ATXN7L1: variants seen among roughly 807,000 people sequenced by gnomAD.
ATXN7L1 encodes ataxin-7-like protein 1.
A neutral mutation model predicts 70.8 loss-of-function variants in ATXN7L1; 15 were observed. That is an observed-to-expected ratio of 0.21 (90% CI 0.14 to 0.33). The LOEUF (loss-of-function observed/expected upper bound fraction) is 0.33. Ranked by LOEUF, ATXN7L1 falls within the 10% of genes least tolerant of loss-of-function variation. The pLI, the probability that ATXN7L1 is intolerant of heterozygous loss-of-function variation, is 1.00. For missense variants in ATXN7L1, 975 were observed against 1,097.1 expected, an observed-to-expected ratio of 0.89 and a Z score of 1.57; for synonymous variants, 440 against 445.1, an observed-to-expected ratio of 0.99 and a Z score of 0.14.
Position 105,607,496 on chromosome 7 carries a change from C to T in ATXN7L1, c.*356G>A, listed in dbSNP as rs1792808861. On this transcript the variant is annotated 3_prime_UTR_variant, in exon 12 of 12. Transcript: ENST00000419735. The stretch of plus-strand genomic sequence containing the variant: ...AGCTTCAGAGCATGCCAACCTGGAA[C>T]CAACATTCTGCAATGTCTGCTCTCA... The T allele has an allele frequency of 3.8e-6, 1 of 265,102 alleles. No homozygotes were observed. The highest frequency in any genetic ancestry group is 7.8e-5 in the East Asian group (1 of 12,892). The allele number at this position is 265,102 out of a possible 1,614,324, so 16.4% of individuals were successfully genotyped here.
intron 2 of ATXN7L1, among the ~76,000 whole-genome samples, chr7:105,790,006 G>A (rs1030202926): frequency 1.3e-5 from 2 of 152,132 alleles, no homozygotes; most frequent in Admixed American, 6.5e-5. Context: ...TCTACAGTGT[G>A]GATAAACCTA....
intron 3 of ATXN7L1, among the ~76,000 whole-genome samples, chr7:105,739,387 G>T (rs1347525554): frequency 1.3e-5 from 2 of 152,220 alleles, no homozygotes; most frequent in Non-Finnish European, 2.9e-5. Flanking sequence ...CCTAAAGTTT[G>T]AGAAGCACGC....
chr7:105,822,341 C>T (rs1355349676), intron 2 of ATXN7L1, among the ~76,000 whole-genome samples: 1 of 152,192 alleles, frequency 6.6e-6, no homozygotes, highest in Non-Finnish European at 1.5e-5. Flanking sequence ...GAAAGGTGCT[C>T]TCCTGTGAAT....
At chr7:105,663,344 C>T (rs1307649157) in intron 4 of ATXN7L1, among the ~76,000 whole-genome samples, 10 of 152,210 alleles carry the variant, frequency 6.6e-5, no homozygotes, top group Admixed American at 6.5e-4. Context: ...CTACACCTTT[C>T]CACTCCATCA....
At chr7:105,624,634 A>AG (rs1386522006) in intron 7 of ATXN7L1, among the ~76,000 whole-genome samples, 6 of 129,798 alleles carry the variant, frequency 4.6e-5, no homozygotes, top group African/African-American at 1.8e-4. Flanking sequence ...TGGGCGACAG[A>AG]GCAAGACTCT....
chr7:105,812,735 T>G (rs1209746041), intron 2 of ATXN7L1, among the ~76,000 whole-genome samples: 1 of 152,050 alleles, frequency 6.6e-6, no homozygotes, highest in Non-Finnish European at 1.5e-5. Flanking sequence ...GCATGGTGGC[T>G]CACGCCTGTA....
At position 105,671,023 on chromosome 7, in the gene ATXN7L1, C is replaced by T. The variant is rs1325646902; in HGVS notation, c.356-5735G>A. On this transcript the variant is annotated intron_variant, in intron 3 of 11. Coordinates refer to ENST00000419735, the MANE Select transcript of ATXN7L1 (RefSeq NM_020725.2). ...TCGGGAGGCTGAGGCAGGAGAATGG[C>T]GTGAACCCGGGAGGCAGAGCTTGCA... 3.4e-5 allele frequency among the ~76,000 whole-genome samples: 5 copies of T among 146,526 alleles called. No homozygotes were observed. The Middle Eastern group carries it at 0.011, about 316-fold the overall frequency.
In ATXN7L1 at chr7:105,759,394, T is replaced by C. The variant is rs143994630; in HGVS notation, c.355+29210A>G. ...TCAGGGCCCAGCAGGGAGGTGAGGCTTAAACCTCCTCGCTGGAGGAGGAGC... is the reference window on the plus strand; with the variant it reads ...TCAGGGCCCAGCAGGGAGGTGAGGCCTAAACCTCCTCGCTGGAGGAGGAGC... On this transcript the variant is annotated intron_variant, in intron 3 of 11. Transcript: ENST00000419735. 4.5e-3 allele frequency among the ~76,000 whole-genome samples: 678 copies of C among 151,556 alleles called. 5 individuals are homozygous for C. The highest frequency in any genetic ancestry group is 0.016 in the African/African-American group (643 of 41,272).
intron 3 of ATXN7L1, among the ~76,000 whole-genome samples, chr7:105,750,896 G>A (rs913795174): frequency 2.0e-5 from 3 of 152,142 alleles, no homozygotes; most frequent in Admixed American, 6.5e-5. Flanking sequence ...AGCCTTCCAC[G>A]ATCTGGTTCC....
intron 3 of ATXN7L1, among the ~76,000 whole-genome samples, chr7:105,749,758 G>T (rs1164900909): frequency 1.3e-5 from 2 of 151,864 alleles, no homozygotes; most frequent in African/African-American, 4.8e-5. Context: ...CACTTGTGGG[G>T]CTTCTGACTT....
At chr7:105,698,638 G>A (rs1294608272) in intron 3 of ATXN7L1, among the ~76,000 whole-genome samples, 5 of 152,098 alleles carry the variant, frequency 3.3e-5, no homozygotes, top group Non-Finnish European at 5.9e-5. Flanking sequence ...GATTAAAGGC[G>A]TGAGCCACCG....
intron 2 of ATXN7L1, among the ~76,000 whole-genome samples, chr7:105,792,600 G>A (rs546463718): frequency 2.0e-5 from 3 of 152,172 alleles, no homozygotes; most frequent in Non-Finnish European, 4.4e-5. Context: ...CAAGCAAAAC[G>A]TTCGGTGCAC....
intron 4 of ATXN7L1, among the ~76,000 whole-genome samples, chr7:105,650,227 G>A (rs765093071): frequency 2.0e-5 from 3 of 152,208 alleles, no homozygotes; most frequent in Non-Finnish European, 2.9e-5. Flanking sequence ...TCCTACTACC[G>A]TGGTATGACA....
At chr7:105,819,712 G>A (rs1032234475) in intron 2 of ATXN7L1, 8 of 892,844 alleles carry the variant, frequency 9.0e-6, no homozygotes, top group African/African-American at 3.3e-5. Context: ...TACCACTTCC[G>A]GGCCTCTAGC....
intron 3 of ATXN7L1, among the ~76,000 whole-genome samples, chr7:105,737,463 T>C (rs1797510394): frequency 6.6e-6 from 1 of 152,050 alleles, no homozygotes; most frequent in Admixed American, 6.6e-5. Flanking sequence ...TGTAGAGAAG[T>C]TAAACAATTT....
At chr7:105,873,023 G>A (rs145854782) in intron 2 of ATXN7L1, among the ~76,000 whole-genome samples, 1,783 of 152,050 alleles carry the variant, frequency 0.012, 33 homozygotes, top group African/African-American at 0.038. Context: ...GCTTGGTGGC[G>A]GGCGCCTGTA....
intron 3 of ATXN7L1, among the ~76,000 whole-genome samples, chr7:105,684,849 GC>G (rs1252572015): frequency 3.9e-5 from 6 of 152,184 alleles, no homozygotes; most frequent in Admixed American, 1.3e-4. Context: ...CGAACCATGT[GC>G]CATTCAGGGC....
At chr7:105,777,570 T>G (rs368239059) in intron 3 of ATXN7L1, among the ~76,000 whole-genome samples, 1 of 152,222 alleles carries the variant, frequency 6.6e-6, no homozygotes, top group Non-Finnish European at 1.5e-5. Context: ...ACTCTTCCCT[T>G]TCCAATCTAA....
At position 105,606,375 on chromosome 7, in the gene ATXN7L1, G is replaced by A. The variant is rs1039650046; in HGVS notation, c.*1477C>T. On this transcript the variant is annotated 3_prime_UTR_variant, in exon 12 of 12. Coordinates refer to ENST00000419735, the MANE Select transcript of ATXN7L1 (RefSeq NM_020725.2). ...AGTCTGATCTTTGGGTTGGGGGAAC[G>A]GGAAAGAAAAGGAAAACTTTGGGGT... The A allele has an allele frequency of 6.6e-6, 1 of 152,144 alleles. No homozygotes were observed. 9.4% of individuals were successfully genotyped at this position (152,144 alleles called of 1,614,324 possible).
Sources: gnomAD v4.1 joint callset for allele counts (sites outside exome capture counted in the v4.1 genomes callset) on GRCh38, gnomAD v4.1.1 for gene constraint, MANE v1.5 for transcripts, NCBI Gene and HGNC (gene_info 2026-07-23, HGNC 2026-07-21) for gene names.